The following AGBL1 variants were observed in gnomAD, a reference collection of about 807,000 sequenced individuals.
The protein encoded by AGBL1 is AGBL carboxypeptidase 1.
Under a neutral mutation model 118.9 loss-of-function variants are expected in AGBL1, and 130 were observed. The ratio of observed to expected loss-of-function variants is 1.09; its 90% CI spans 0.95 to 1.26. The LOEUF (loss-of-function observed/expected upper bound fraction) is 1.26, where lower values mean the gene tolerates loss of function less well. Ranked by LOEUF, AGBL1 falls within the 50% of genes most tolerant of loss-of-function variation. The pLI, the probability that AGBL1 is intolerant of heterozygous loss-of-function variation, is 0.00. For synonymous variants in AGBL1, 555 were observed against 478.9 expected, an observed-to-expected ratio of 1.16 and a Z score of -2.08; for missense variants, 1,584 against 1,298.1, an observed-to-expected ratio of 1.22 and a Z score of -3.38.
intron 19 of AGBL1, among the ~76,000 whole-genome samples, chr15:86,539,396 T>C (rs764902334): frequency 2.0e-5 from 3 of 152,200 alleles, no homozygotes; most frequent in Non-Finnish European, 4.4e-5. Flanking sequence ...TATACTTATA[T>C]CTGGTGCCTT....
intron 17 of AGBL1, among the ~76,000 whole-genome samples, chr15:86,336,563 A>G (rs759731589): frequency 2.6e-5 from 4 of 152,266 alleles, no homozygotes; most frequent in Non-Finnish European, 5.9e-5. Flanking sequence ...GATTGCCTTT[A>G]TTATCCAGAG....
intron 18 of AGBL1, among the ~76,000 whole-genome samples, chr15:86,449,651 G>A (rs956301389): frequency 6.6e-6 from 1 of 152,226 alleles, no homozygotes; most frequent in Non-Finnish European, 1.5e-5. Flanking sequence ...CCACTGTCTG[G>A]TACAGTGCTC....
intron 22 of AGBL1, among the ~76,000 whole-genome samples, chr15:86,755,899 T>C (rs1183285296): frequency 2.0e-5 from 3 of 152,132 alleles, no homozygotes; most frequent in African/African-American, 7.2e-5. Flanking sequence ...AGTCAGATTG[T>C]GCACAGCTGG....
intron 22 of AGBL1, among the ~76,000 whole-genome samples, chr15:86,804,461 T>G (rs2078691225): frequency 6.6e-6 from 1 of 152,080 alleles, no homozygotes; most frequent in South Asian, 2.1e-4. Flanking sequence ...AAGCCAATGG[T>G]GGAGGCAGAA....
chr15:86,796,985 G>A (rs1210658213), intron 22 of AGBL1, among the ~76,000 whole-genome samples: 1 of 152,194 alleles, frequency 6.6e-6, no homozygotes, highest in Non-Finnish European at 1.5e-5. Context: ...ACAGAACATG[G>A]ACTCTGAACA....
chr15:86,308,444 A>G lies in AGBL1; in HGVS notation c.2374+13036A>G, dbSNP rs556658612. On this transcript the variant is annotated intron_variant, in intron 17 of 22. Coordinates refer to ENST00000614907, the MANE Select transcript of AGBL1 (RefSeq NM_001386094.1). ...GGAAGAGAGCCCTCTTCAGAACCTG[A>G]CCTTGTTGGCACTCTGCTATCAGAC... Among the ~76,000 whole-genome samples the G allele has an allele frequency of 6.6e-5, 10 of 152,264 alleles. No homozygotes were observed. The South Asian group carries it at 1.9e-3, about 28-fold the overall frequency.
chr15:86,508,844 T>C (rs1013360934), intron 18 of AGBL1, among the ~76,000 whole-genome samples: 2 of 152,158 alleles, frequency 1.3e-5, no homozygotes, highest in Non-Finnish European at 2.9e-5. Context: ...GTGATGCAAA[T>C]GTGAATGCTA....
At position 86,448,840 on chromosome 15, in the gene AGBL1, T is replaced by G. The variant is rs576857467; in HGVS notation, c.2555+51294T>G. ...ATGGGACTTAGTGTGCCATTAAAATTTAACTCAAAAGAAAAAAAAAGGAGA... is the reference window on the plus strand; with the variant it reads ...ATGGGACTTAGTGTGCCATTAAAATGTAACTCAAAAGAAAAAAAAAGGAGA... On this transcript the variant is annotated intron_variant, in intron 18 of 22. Coordinates refer to ENST00000614907, the MANE Select transcript of AGBL1 (RefSeq NM_001386094.1). Among the ~76,000 whole-genome samples, 4 of 152,274 alleles carry G rather than the reference T, an allele frequency of 2.6e-5. No homozygotes were observed. The East Asian group carries it at 5.8e-4, about 22-fold the overall frequency.
chr15:86,907,110 TC>T lies in AGBL1; in HGVS notation c.3185del (p.Pro1062LeufsTer120), dbSNP rs1310819289. 6.6e-6 allele frequency: 1 copy of T among 152,276 alleles called. No homozygotes were observed. The highest frequency in any genetic ancestry group is 2.4e-5 in the African/African-American group (1 of 41,408). The allele number at this position is 152,276 out of a possible 1,614,324, so 9.4% of individuals were successfully genotyped here. On this transcript the variant is annotated frameshift_variant, in exon 23 of 23. Coordinates refer to ENST00000614907, the MANE Select transcript of AGBL1 (RefSeq NM_001386094.1). LOFTEE classifies it low-confidence loss of function (END_TRUNC). ...LQRCSSSSGS[V>X]PSELEDEPAC... ...AGGTGCAGCAGCAGCAGTGGCAGCGTCCCTTCGGAACTGGAGGATGAACCTG... is the reference window on the plus strand; with the variant it reads ...AGGTGCAGCAGCAGCAGTGGCAGCGTCCTTCGGAACTGGAGGATGAACCTG...
At chr15:86,887,338 C>G (rs374145764) in intron 22 of AGBL1, among the ~76,000 whole-genome samples, 4 of 152,122 alleles carry the variant, frequency 2.6e-5, no homozygotes, top group Non-Finnish European at 4.4e-5. Context: ...CTATTATAGA[C>G]CTCAATTCTA....
intron 21 of AGBL1, among the ~76,000 whole-genome samples, chr15:86,592,264 C>T (rs2469179): frequency 0.24 from 35,821 of 152,106 alleles, 4,308 homozygotes; most frequent in Middle Eastern, 0.3. Flanking sequence ...GCGAATCCAA[C>T]GGGTCTGCAG....
intron 24 of AGBL1, among the ~76,000 whole-genome samples, chr15:87,011,374 T>C (rs765639705): frequency 6.6e-5 from 10 of 152,080 alleles, no homozygotes; most frequent in Non-Finnish European, 1.3e-4. Flanking sequence ...GAAATTGTAA[T>C]AGAAGCCAGC....
At position 86,236,343 on chromosome 15, in the gene AGBL1, CTTT is replaced by C. The variant is rs10531800; in HGVS notation, c.527-11311_527-11309del. Among the ~76,000 whole-genome samples, 1,372 of 143,640 alleles carry C rather than the reference CTTT, an allele frequency of 9.6e-3. 15 individuals are homozygous for C. Among genetic ancestry groups the C allele is most frequent in the African/African-American group, 0.033 (1,292 of 38,946 alleles). The allele number at this position is 143,640 out of a possible 152,430, so 94.2% of individuals were successfully genotyped here. A position where few individuals can be genotyped will look rare whatever the true frequency, so the allele number is the denominator to read the frequency against. On this transcript the variant is annotated intron_variant, in intron 6 of 22. Coordinates refer to ENST00000614907, the MANE Select transcript of AGBL1 (RefSeq NM_001386094.1). ...TTCCAGATGTCCCTGGAAACTACTA[CTTT>C]TTTTTTTTTTTTTTTTCCAGTAGGG...
chr15:86,621,020 G>A (rs1054186962), intron 21 of AGBL1, among the ~76,000 whole-genome samples: 17 of 148,958 alleles, frequency 1.1e-4, no homozygotes, highest in Middle Eastern at 3.4e-3. Context: ...TCTTCTCCTC[G>A]CTTTCCTGGA....
intron 22 of AGBL1, among the ~76,000 whole-genome samples, chr15:86,798,756 G>A (rs1001819297): frequency 6.7e-6 from 1 of 149,304 alleles, no homozygotes; most frequent in Non-Finnish European, 1.5e-5. Context: ...CTAGGTTGAG[G>A]AGCCCAGAGT....
chr15:86,857,858 C>G (rs1042168667), intron 22 of AGBL1, among the ~76,000 whole-genome samples: 1 of 152,138 alleles, frequency 6.6e-6, no homozygotes, highest in Non-Finnish European at 1.5e-5. Flanking sequence ...TCCATTCTTT[C>G]ATTTATTTCT....
intron 21 of AGBL1, among the ~76,000 whole-genome samples, chr15:86,674,051 G>C (rs1216638217): frequency 6.6e-6 from 1 of 152,026 alleles, no homozygotes; most frequent in Non-Finnish European, 1.5e-5. Flanking sequence ...TTATTGTCAT[G>C]GGGGTACTTC....
chr15:86,723,538 G>A (rs1436787187), intron 22 of AGBL1, among the ~76,000 whole-genome samples: 1 of 152,094 alleles, frequency 6.6e-6, no homozygotes, highest in African/African-American at 2.4e-5. Context: ...ATAACATTAG[G>A]AGATATACCT....
At chr15:86,670,113 C>T (rs866314238) in intron 21 of AGBL1, among the ~76,000 whole-genome samples, 1 of 152,038 alleles carries the variant, frequency 6.6e-6, no homozygotes, top group African/African-American at 2.4e-5. Context: ...ATATATAATA[C>T]TGTCATAATA....
Sources: allele counts gnomAD v4.1 joint callset (sites outside exome capture counted in the v4.1 genomes callset), GRCh38; gene constraint gnomAD v4.1.1; transcripts MANE v1.5; gene names NCBI Gene and HGNC (gene_info 2026-07-23, HGNC 2026-07-21).